The following SNAPC3 variants were observed in gnomAD, a reference collection of about 807,000 sequenced individuals.
SNAPC3 encodes the protein small nuclear RNA activating complex polypeptide 3.
SNAPC3 carries 56 observed loss-of-function variants against 47.7 expected under a neutral mutation model. The observed-to-expected ratio is 1.18, with a 90% confidence interval of 0.95 to 1.47. The LOEUF (loss-of-function observed/expected upper bound fraction) is 1.47. Ranked by LOEUF, SNAPC3 falls within the 40% of genes most tolerant of loss-of-function variation. The probability of loss-of-function intolerance (pLI) is 0.00; values close to 1 mark genes in which losing one functional copy is unlikely to be tolerated. For missense variants in SNAPC3, 665 were observed against 511.3 expected, an observed-to-expected ratio of 1.30 and a Z score of -2.90; for synonymous variants, 235 against 189.9, an observed-to-expected ratio of 1.24 and a Z score of -1.95.
rs765551075 is a variant in SNAPC3, at chr9:15,433,569, TG to T, written c.412del (p.Glu138AsnfsTer9). On this transcript the variant is annotated frameshift_variant, in exon 3 of 9. Coordinates refer to ENST00000380821, the MANE Select transcript of SNAPC3 (RefSeq NM_001039697.2). LOFTEE classifies it high-confidence loss of function. ...LVTLGVRKRF[L>X]EHREETITID... ...TACAACAGGGTTAGAAAAAGGTTCT[TG>T]GAACATCGGGAAGAAACCATTACAA... 3.7e-6 allele frequency: 6 copies of T among 1,605,552 alleles called. No individual in the cohort carries two copies. The Admixed American group carries it at 1.0e-4, about 27-fold the overall frequency.
At chr9:15,465,726 C>G, downstream of SNAPC3, 1 of 595,918 alleles carries the variant, frequency 1.7e-6, no homozygotes, top group South Asian at 2.6e-5. Context: ...GTTATTAGAA[C>G]AGTCATTATT....
At chr9:15,459,576 A>G (rs1032325705) in intron 8 of SNAPC3, 143 bp from the exon 9 acceptor site, 1 of 634,262 alleles carries the variant, frequency 1.6e-6, no homozygotes, top group Non-Finnish European at 2.7e-6. Flanking sequence ...ATCTATGTAT[A>G]CAAAATTAAG....
At chr9:15,438,214 G>A (rs192429706) in intron 3 of SNAPC3, among the ~76,000 whole-genome samples, 2 of 152,228 alleles carry the variant, frequency 1.3e-5, no homozygotes, top group East Asian at 3.9e-4. Context: ...TTGATAGTTT[G>A]TATGTTTCCA....
intron 2 of SNAPC3, among the ~76,000 whole-genome samples, chr9:15,426,740 T>G (rs1252101686): frequency 6.6e-6 from 1 of 152,220 alleles, no homozygotes; most frequent in East Asian, 1.9e-4. Flanking sequence ...CCTTGACTAC[T>G]TTGCACTACT....
At chr9:15,434,920 T>A (rs1338126384) in intron 3 of SNAPC3, among the ~76,000 whole-genome samples, 3 of 152,242 alleles carry the variant, frequency 2.0e-5, no homozygotes, top group Admixed American at 6.5e-5. Context: ...TCTTTTTAAG[T>A]CCTTTTTCAT....
intron 7 of SNAPC3, among the ~76,000 whole-genome samples, chr9:15,453,808 CTGCTCCAT>C (rs897112710): frequency 6.6e-6 from 1 of 152,162 alleles, no homozygotes; most frequent in Non-Finnish European, 1.5e-5. Context: ...CGAATAAACC[CTGCTCCAT>C]TGCTGGTTTG....
intron 3 of SNAPC3, chr9:15,433,878 G>A (rs10756664): frequency 0.85 from 277,072 of 324,272 alleles, 120,020 homozygotes; most frequent in Non-Finnish European, 0.91. Context: ...CTTGCTTTCG[G>A]TATTAGGCTA....
chr9:15,445,677 A>G (rs539452443), intron 4 of SNAPC3, among the ~76,000 whole-genome samples: 2 of 152,222 alleles, frequency 1.3e-5, no homozygotes, highest in East Asian at 3.9e-4. Flanking sequence ...GCTGGGTGTA[A>G]TGGCTCACAC....
At chr9:15,430,968 C>CT in intron 2 of SNAPC3, among the ~76,000 whole-genome samples, 1 of 152,152 alleles carries the variant, frequency 6.6e-6, no homozygotes, top group East Asian at 1.9e-4. Context: ...GGACCTTGGC[C>CT]TTTTAAATAC....
chr9:15,449,701 G>T (rs1255588228), intron 5 of SNAPC3, among the ~76,000 whole-genome samples: 1 of 150,314 alleles, frequency 6.7e-6, no homozygotes, highest in African/African-American at 2.4e-5. Flanking sequence ...CCCATGAGTA[G>T]CTGGAATTAC....
intron 8 of SNAPC3, 112 bp from the exon 9 acceptor site, chr9:15,459,604 TAAC>T: frequency 1.2e-6 from 1 of 801,112 alleles, no homozygotes; most frequent in South Asian, 1.8e-5. Context: ...TATGCATTAA[TAAC>T]AGACTGATAA....
Position 15,453,158 on chromosome 9 carries a change from C to G in SNAPC3, c.933C>G (p.Tyr311Ter). 2 of 1,613,194 alleles carry G rather than the reference C, an allele frequency of 1.2e-6. No homozygotes were observed. Among genetic ancestry groups the G allele is most frequent in the Non-Finnish European group, 1.7e-6 (2 of 1,179,206 alleles). Residue 311 changes from tyrosine (Y) to a stop codon, truncating the protein, a stop_gained, in exon 7 of 9, where the codon TAC (tyrosine) becomes TAG (stop). Coordinates refer to ENST00000380821, the MANE Select transcript of SNAPC3 (RefSeq NM_001039697.2). LOFTEE classifies it high-confidence loss of function. ...TTAAACTGGGTTTTCCTTACTTATA[C>G]TGTCATCAGGGAGACTGTGAACATG... ...LCIKLGFPYL[Y>*]CHQGDCEHVI...
At chr9:15,462,522 C>T (rs564207342), downstream of SNAPC3, 1 of 152,294 alleles carries the variant, frequency 6.6e-6, no homozygotes, top group East Asian at 1.9e-4. Context: ...ATGTAACACG[C>T]CTGTCAAATT....
chr9:15,462,833 GT>G (rs2035321329), downstream of SNAPC3: 1 of 152,174 alleles, frequency 6.6e-6, no homozygotes, highest in Non-Finnish European at 1.5e-5. Flanking sequence ...TTTCTAAAGA[GT>G]TTAATGATAC....
chr9:15,447,286 C>T, intron 5 of SNAPC3, 42 bp downstream of exon 5: 1 of 1,581,466 alleles, frequency 6.3e-7, no homozygotes, highest in Non-Finnish European at 8.7e-7. Context: ...AAATAACAAG[C>T]TAAGAAAATA....
At position 15,452,892 on chromosome 9, in the gene SNAPC3, TCAAA is replaced by T; in HGVS notation, c.816-146_816-143del. On this transcript the variant is annotated intron_variant, in intron 6 of 8. Transcript: ENST00000380821. The stretch of plus-strand genomic sequence containing the variant: ...TCAGCGTTCCTAATCTCAACATGTG[TCAAA>T]CATTTTGGTCTTCATCTCAAGATGG... 7.0e-6 allele frequency: 4 copies of T among 574,988 alleles called. No homozygotes were observed. In the Middle Eastern group the frequency reaches 9.1e-4, roughly 131 times the overall value. The allele number at this position is 574,988 out of a possible 1,614,324, so 35.6% of individuals were successfully genotyped here. A position where few individuals can be genotyped will look rare whatever the true frequency, so the allele number is the denominator to read the frequency against.
chr9:15,430,998 A>C (rs1268237831), intron 2 of SNAPC3, among the ~76,000 whole-genome samples: 3 of 152,178 alleles, frequency 2.0e-5, no homozygotes, highest in Non-Finnish European at 2.9e-5. Flanking sequence ...GCCAACTAGC[A>C]CATCCTTAAG....
chr9:15,429,827 A>G (rs1474807347), intron 2 of SNAPC3, among the ~76,000 whole-genome samples: 1 of 152,214 alleles, frequency 6.6e-6, no homozygotes, highest in Non-Finnish European at 1.5e-5. Context: ...TTGTAAAACA[A>G]AAATCTTGGG....
chr9:15,442,400 C>G (rs1168854914), intron 3 of SNAPC3, among the ~76,000 whole-genome samples: 9 of 150,978 alleles, frequency 6.0e-5, no homozygotes, highest in Admixed American at 5.9e-4. Flanking sequence ...CGGAGGGGCT[C>G]CTCACCTCCC....
Sources: allele counts gnomAD v4.1 joint callset (sites outside exome capture counted in the v4.1 genomes callset), GRCh38; gene constraint gnomAD v4.1.1; transcripts MANE v1.5; gene names NCBI Gene and HGNC (gene_info 2026-07-23, HGNC 2026-07-21).